The following ALOX5 variants were observed in gnomAD, a reference collection of about 807,000 sequenced individuals.
ALOX5 encodes the protein polyunsaturated fatty acid 5-lipoxygenase.
ALOX5 carries 64 observed loss-of-function variants against 87.9 expected under a neutral mutation model. The observed-to-expected ratio is 0.73, with a 90% CI of 0.60 to 0.90. ALOX5 has a LOEUF of 0.90. ALOX5 is among the 40% of genes least tolerant of loss of function. The pLI, the probability that ALOX5 is intolerant of heterozygous loss-of-function variation, is 0.00. For synonymous variants in ALOX5, 388 were observed against 355.1 expected, an observed-to-expected ratio of 1.09 and a Z score of -1.04; for missense variants, 822 against 907.5, an observed-to-expected ratio of 0.91 and a Z score of 1.21.
intron 4 of ALOX5, among the ~76,000 whole-genome samples, chr10:45,418,734 C>G (rs1034705087): frequency 6.6e-6 from 1 of 152,138 alleles, no homozygotes; most frequent in Admixed American, 6.5e-5. Flanking sequence ...GCCAGGCCGC[C>G]GAGAGCCAAG....
rs551364951 is a variant in ALOX5 at position 45,382,601 on chromosome 10, C to T, written c.269C>T (p.Thr90Met). ...TACCTGAAGTACATCACGCTGAAGACGCCCCACGGGGACTACATCGAGTTC... is the reference window on the plus strand; with the variant it reads ...TACCTGAAGTACATCACGCTGAAGATGCCCCACGGGGACTACATCGAGTTC... The part of the protein sequence containing the change: ...DWYLKYITLK[T>M]PHGDYIEFPC... Residue 90 changes from threonine to methionine, a missense_variant, in exon 2 of 14, where the codon ACG (threonine) becomes ATG (methionine). Transcript: ENST00000374391. 1.5e-5 allele frequency: 25 copies of T among 1,614,130 alleles called. No individual in the cohort carries two copies. Among genetic ancestry groups the T allele is most frequent in the South Asian group, 1.3e-4 (12 of 91,080 alleles).
chr10:45,421,752 G>T (rs934459332), intron 4 of ALOX5, among the ~76,000 whole-genome samples: 1 of 152,268 alleles, frequency 6.6e-6, no homozygotes, highest in Admixed American at 6.5e-5. Flanking sequence ...TCCAAGTGAA[G>T]AAGGTACCAG....
At chr10:45,403,067 C>T (rs909470273) in intron 3 of ALOX5, among the ~76,000 whole-genome samples, 1 of 152,134 alleles carries the variant, frequency 6.6e-6, no homozygotes, top group Non-Finnish European at 1.5e-5. Context: ...TTGGTAAGAC[C>T]TCCGTGGAAA....
chr10:45,393,435 G>T (rs1399531813), intron 2 of ALOX5, among the ~76,000 whole-genome samples: 1 of 152,118 alleles, frequency 6.6e-6, no homozygotes, highest in Admixed American at 6.5e-5. Flanking sequence ...AATAAATTAG[G>T]TATTGATGGG....
At position 45,444,102 on chromosome 10, in the gene ALOX5, G is replaced by C; in HGVS notation, c.1675-14G>C. On this transcript the variant is annotated splice_polypyrimidine_tract_variant and intron_variant, in intron 12 of 13. Coordinates refer to ENST00000374391, the MANE Select transcript of ALOX5 (RefSeq NM_000698.5). The stretch of plus-strand genomic sequence containing the variant: ...TTCGGGGGTGCCCACGCTTGCTGGC[G>C]GTCGTCTCCGCAGTACGACTGGTGC... 1 of 1,520,772 alleles carries C rather than the reference G, an allele frequency of 6.6e-7. No homozygotes were observed. Among genetic ancestry groups the C allele is most frequent in the African/African-American group, 1.4e-5 (1 of 72,552 alleles). The allele number at this position is 1,520,772 out of a possible 1,614,324, so 94.2% of individuals were successfully genotyped here.
chr10:45,418,879 T>C (rs575710090), intron 4 of ALOX5, among the ~76,000 whole-genome samples: 160 of 152,192 alleles, frequency 1.1e-3, no homozygotes, highest in African/African-American at 3.5e-3. Context: ...TTAAAGGAAA[T>C]TGAGAAAGAG....
intron 2 of ALOX5, among the ~76,000 whole-genome samples, chr10:45,393,114 T>C (rs1478379177): frequency 2.6e-5 from 4 of 152,176 alleles, no homozygotes. Flanking sequence ...GAGGCCAGCA[T>C]CATCCTGATA....
intron 3 of ALOX5, among the ~76,000 whole-genome samples, chr10:45,402,434 G>T (rs1840735470): frequency 6.6e-6 from 1 of 152,158 alleles, no homozygotes; most frequent in African/African-American, 2.4e-5. Flanking sequence ...CTGATGGGTG[G>T]CACTGGGCCA....
chr10:45,387,783 G>A (rs1323245553), intron 2 of ALOX5, among the ~76,000 whole-genome samples: 2 of 152,246 alleles, frequency 1.3e-5, no homozygotes, highest in Non-Finnish European at 2.9e-5. Flanking sequence ...TAAGAGCACA[G>A]GAGTTGAGTT....
chr10:45,382,271 T>C (rs1040166852), intron 1 of ALOX5, among the ~76,000 whole-genome samples: 6 of 152,230 alleles, frequency 3.9e-5, no homozygotes, highest in African/African-American at 1.4e-4. Context: ...TTTGGTATAG[T>C]GAGGACATCT....
chr10:45,391,681 T>G (rs1413796638), intron 2 of ALOX5, among the ~76,000 whole-genome samples: 1 of 146,874 alleles, frequency 6.8e-6, no homozygotes, highest in Non-Finnish European at 1.5e-5. Flanking sequence ...TCGTCTGGGA[T>G]GAAGTGAGGA....
intron 4 of ALOX5, among the ~76,000 whole-genome samples, chr10:45,417,875 G>A (rs1018581014): frequency 5.3e-5 from 8 of 152,114 alleles, no homozygotes; most frequent in Non-Finnish European, 1.2e-4. Flanking sequence ...ATGGGTGAGG[G>A]GCCCCTTCTT....
Position 45,417,872 on chromosome 10 carries a change from A to AG in ALOX5, c.554+5563dup, listed in dbSNP as rs1329942481. ...CCACTTCTTGGCCAAGACATGGGTG[A>AG]GGGGCCCCTTCTTGCAGAAGCTTCT... On this transcript the variant is annotated intron_variant, in intron 4 of 13. Transcript: ENST00000374391. Among the ~76,000 whole-genome samples, 4 of 152,114 alleles carry AG rather than the reference A, an allele frequency of 2.6e-5. No individual in the cohort carries two copies. In the East Asian group the frequency reaches 7.7e-4, roughly 29 times the overall value.
At chr10:45,383,509 A>G (rs1839912638) in intron 2 of ALOX5, among the ~76,000 whole-genome samples, 1 of 152,250 alleles carries the variant, frequency 6.6e-6, no homozygotes, top group Non-Finnish European at 1.5e-5. Flanking sequence ...AAGGCCAGGC[A>G]GCCACCGTAA....
rs376253719 is a variant in ALOX5 at position 45,394,137 on chromosome 10, G to A, written c.350-1718G>A. Among the ~76,000 whole-genome samples the A allele has an allele frequency of 5.9e-3, 903 of 152,206 alleles. 9 individuals carry two copies. The highest frequency in any genetic ancestry group is 0.02 in the African/African-American group (830 of 41,530). ...TTCATATGGAACCAAAAAAGAGCCC[G>A]CATTGCCAAGACAATCCTAAGCCAA... On this transcript the variant is annotated intron_variant, in intron 2 of 13. Coordinates refer to ENST00000374391, the MANE Select transcript of ALOX5 (RefSeq NM_000698.5).
intron 4 of ALOX5, among the ~76,000 whole-genome samples, chr10:45,420,855 GAGAA>G (rs1841478751): frequency 6.6e-6 from 1 of 152,362 alleles, no homozygotes; most frequent in East Asian, 1.9e-4. Context: ...AAAGCAAATT[GAGAA>G]AGAGAGTTTC....
At chr10:45,391,149 G>C (rs1422163773) in intron 2 of ALOX5, among the ~76,000 whole-genome samples, 1 of 146,686 alleles carries the variant, frequency 6.8e-6, no homozygotes, top group Non-Finnish European at 1.5e-5. Context: ...CCGAGCCAAA[G>C]CTGGACTGTA....
chr10:45,443,289 C>T lies in ALOX5; in HGVS notation c.1451+73C>T. 3 of 1,584,004 alleles carry T rather than the reference C, an allele frequency of 1.9e-6. No homozygotes were observed. The East Asian group carries it at 6.7e-5, about 35-fold the overall frequency. ...GCCTGACTACCTGGGGCGGGCCTGGCCCCTCCACCGCTAGCGCTGAATGGG... is the reference window on the plus strand; with the variant it reads ...GCCTGACTACCTGGGGCGGGCCTGGTCCCTCCACCGCTAGCGCTGAATGGG... On this transcript the variant is annotated intron_variant, in intron 10 of 13. Transcript: ENST00000374391.
intron 2 of ALOX5, among the ~76,000 whole-genome samples, chr10:45,390,998 C>CTGTCCCA (rs1840204722): frequency 1.1e-4 from 6 of 55,182 alleles, no homozygotes; most frequent in African/African-American, 5.6e-4. Context: ...CCCCTCTCCC[C>CTGTCCCA]TCTCCCCTCT....
Sources: gnomAD v4.1 joint callset for allele counts (sites outside exome capture counted in the v4.1 genomes callset) on GRCh38, gnomAD v4.1.1 for gene constraint, MANE v1.5 for transcripts, NCBI Gene and HGNC (gene_info 2026-07-23, HGNC 2026-07-21) for gene names.